The following SHISA9 variants were observed in gnomAD, a reference collection of about 807,000 sequenced individuals.
The protein encoded by SHISA9 is protein shisa-9.
A neutral mutation model predicts 38.0 loss-of-function variants in SHISA9; 13 were observed. The observed-to-expected ratio is 0.34, with a 90% CI of 0.22 to 0.54. SHISA9 has a LOEUF of 0.54. Ranked by LOEUF, SHISA9 falls within the 20% of genes least tolerant of loss-of-function variation. SHISA9 has a pLI of 0.91. For missense variants in SHISA9, 538 were observed against 575.8 expected (o/e 0.93, Z 0.67); for synonymous variants, 275 against 242.0 (o/e 1.14, Z -1.27).
At chr16:12,940,997 C>T (rs2141757428) in intron 2 of SHISA9, among the ~76,000 whole-genome samples, 1 of 152,308 alleles carries the variant, frequency 6.6e-6, no homozygotes, top group East Asian at 1.9e-4. Context: ...TGCTACCAAC[C>T]TGGTTTCATC....
At chr16:13,080,752 GC>G (rs1343517478) in intron 2 of SHISA9, among the ~76,000 whole-genome samples, 1 of 152,222 alleles carries the variant, frequency 6.6e-6, no homozygotes. Context: ...AAATAGCCAT[GC>G]TGTGGAAGAA....
At chr16:13,107,923 A>G (rs576360289) in intron 2 of SHISA9, among the ~76,000 whole-genome samples, 2 of 152,278 alleles carry the variant, frequency 1.3e-5, no homozygotes, top group South Asian at 2.1e-4. Context: ...AAAGCCTTAC[A>G]CATAGTAAGT....
At chr16:13,465,559 A>T in the SHISA9 span, among the ~76,000 whole-genome samples, 2 of 152,228 alleles carry the variant, frequency 1.3e-5, no homozygotes, top group Non-Finnish European at 1.5e-5. Flanking sequence ...GCAATATAGA[A>T]CAAAGATATC....
chr16:13,090,733 A>C (rs540493025), intron 2 of SHISA9, among the ~76,000 whole-genome samples: 1 of 152,202 alleles, frequency 6.6e-6, no homozygotes, highest in Non-Finnish European at 1.5e-5. Flanking sequence ...TACAGCACAC[A>C]GATGGGTCTT....
chr16:12,983,064 A>C (rs533422632), intron 2 of SHISA9, among the ~76,000 whole-genome samples: 14 of 152,218 alleles, frequency 9.2e-5, no homozygotes, highest in Admixed American at 3.9e-4. Context: ...GGTAGGCTCA[A>C]ATCTCCCATG....
chr16:13,140,618 G>A (rs2050394032), intron 2 of SHISA9, among the ~76,000 whole-genome samples: 1 of 152,150 alleles, frequency 6.6e-6, no homozygotes, highest in Non-Finnish European at 1.5e-5. Flanking sequence ...TAGGTACTGG[G>A]GATGCAGGGA....
chr16:13,375,746 A>G, the SHISA9 span, among the ~76,000 whole-genome samples: 1 of 152,252 alleles, frequency 6.6e-6, no homozygotes, highest in Non-Finnish European at 1.5e-5. Context: ...ACACTACAAC[A>G]CATCACTGAA....
chr16:13,194,603 C>A (rs2050919385), intron 2 of SHISA9, among the ~76,000 whole-genome samples: 1 of 152,204 alleles, frequency 6.6e-6, no homozygotes, highest in African/African-American at 2.4e-5. Context: ...TCACCTTCCT[C>A]ATCATTATCA....
chr16:13,116,521 G>A (rs1018494122), intron 2 of SHISA9, among the ~76,000 whole-genome samples: 5 of 152,162 alleles, frequency 3.3e-5, no homozygotes, highest in African/African-American at 1.2e-4. Context: ...GGGCAGCATG[G>A]GACAGTGAGC....
intron 2 of SHISA9, among the ~76,000 whole-genome samples, chr16:13,033,259 A>G (rs1466746288): frequency 6.6e-6 from 1 of 152,160 alleles, no homozygotes; most frequent in East Asian, 1.9e-4. Context: ...AAATGGACTG[A>G]TGACCTGGAC....
chr16:13,126,236 C>G (rs2050255315), intron 2 of SHISA9, among the ~76,000 whole-genome samples: 1 of 152,170 alleles, frequency 6.6e-6, no homozygotes, highest in African/African-American at 2.4e-5. Flanking sequence ...TGGGGCCCTC[C>G]TCCAATTCCT....
the SHISA9 span, among the ~76,000 whole-genome samples, chr16:13,347,588 A>T: frequency 6.6e-6 from 1 of 152,192 alleles, no homozygotes; most frequent in African/African-American, 2.4e-5. Context: ...CTGGACAAAG[A>T]AAAAAATACT....
intron 2 of SHISA9, among the ~76,000 whole-genome samples, chr16:12,931,410 A>G (rs2141743175): frequency 1.3e-5 from 2 of 152,260 alleles, no homozygotes; most frequent in South Asian, 4.2e-4. Flanking sequence ...CCCAGTAGAT[A>G]GTTTTCCAGC....
the SHISA9 span, among the ~76,000 whole-genome samples, chr16:13,472,607 A>G: frequency 6.6e-6 from 1 of 151,600 alleles, no homozygotes; most frequent in Non-Finnish European, 1.5e-5. Context: ...TTAGCCAGGA[A>G]GATCTTGATC....
At chr16:13,437,226 C>T in the SHISA9 span, among the ~76,000 whole-genome samples, 1 of 151,984 alleles carries the variant, frequency 6.6e-6, no homozygotes, top group Non-Finnish European at 1.5e-5. Flanking sequence ...GTCATGGAAA[C>T]ATCTGGGGGG....
chr16:13,126,194 G>A (rs541631519), intron 2 of SHISA9, among the ~76,000 whole-genome samples: 1 of 152,164 alleles, frequency 6.6e-6, no homozygotes, highest in Non-Finnish European at 1.5e-5. Flanking sequence ...TTTGGAGAGG[G>A]ATGCAGAGGC....
the SHISA9 span, among the ~76,000 whole-genome samples, chr16:13,249,143 A>G: frequency 2.0e-5 from 3 of 152,202 alleles, no homozygotes; most frequent in African/African-American, 7.2e-5. Context: ...CATCTAGGTG[A>G]AGCACCATGT....
chr16:13,293,477 G>T, the SHISA9 span, among the ~76,000 whole-genome samples: 31 of 152,178 alleles, frequency 2.0e-4, no homozygotes, highest in Non-Finnish European at 3.7e-4. Flanking sequence ...CCACTTGCAA[G>T]CCAGGCCACC....
chr16:13,077,298 C>A (rs2073594345), intron 2 of SHISA9, among the ~76,000 whole-genome samples: 2 of 151,600 alleles, frequency 1.3e-5, no homozygotes, highest in Admixed American at 1.3e-4. Flanking sequence ...GTGTTCTCTA[C>A]TTTATCCATA....
Sources: gnomAD v4.1 joint callset for allele counts (sites outside exome capture counted in the v4.1 genomes callset) on GRCh38, gnomAD v4.1.1 for gene constraint, MANE v1.5 for transcripts, NCBI Gene and HGNC (gene_info 2026-07-23, HGNC 2026-07-21) for gene names.